Variants in FAAH2 observed in about 807,000 individuals in gnomAD.
The protein encoded by FAAH2 is fatty acid amide hydrolase 2.
A neutral mutation model predicts 36.9 loss-of-function variants in FAAH2; 60 were observed. The ratio of observed to expected loss-of-function variants is 1.63; its 90% CI spans 1.32 to 2.02. The LOEUF is 2.02. Ranked by LOEUF, FAAH2 falls within the 30% of genes most tolerant of loss-of-function variation. The pLI, the probability that FAAH2 is intolerant of heterozygous loss-of-function variation, is 0.00. For missense variants in FAAH2, 689 were observed against 397.5 expected (o/e 1.73, Z -6.23); for synonymous variants, 214 against 143.8 (o/e 1.49, Z -3.49).
the FAAH2 span, among the ~76,000 whole-genome samples, chrX:57,262,124 G>A: frequency 9.1e-6 from 1 of 110,442 alleles, no homozygotes. Context: ...AAAATCTCAG[G>A]CATTGTATCT....
At chrX:57,349,432 T>C (rs188257957) in intron 5 of FAAH2, among the ~76,000 whole-genome samples, 2 of 99,436 alleles carry the variant, frequency 2.0e-5, no homozygotes, top group Non-Finnish European at 4.0e-5. Context: ...TACATATATA[T>C]ACATATATAC....
the FAAH2 span, among the ~76,000 whole-genome samples, chrX:57,174,486 C>T: frequency 9.0e-6 from 1 of 111,367 alleles, no homozygotes; most frequent in Non-Finnish European, 1.9e-5. Context: ...ATTGTCTTTT[C>T]TTGGTTAACA....
At chrX:57,416,264 T>C (rs2055839423) in intron 7 of FAAH2, among the ~76,000 whole-genome samples, 1 of 111,718 alleles carries the variant, frequency 9.0e-6, no homozygotes, top group East Asian at 2.8e-4. Flanking sequence ...TTTGATCCTG[T>C]CATTATGAAG....
the FAAH2 span, among the ~76,000 whole-genome samples, chrX:57,254,200 G>T: frequency 9.0e-6 from 1 of 111,437 alleles, no homozygotes; most frequent in Non-Finnish European, 1.9e-5. Context: ...ATGGTAAAGG[G>T]ATCAATTCAA....
chrX:57,465,809 C>A (rs1380865472), intron 10 of FAAH2, among the ~76,000 whole-genome samples: 4 of 110,551 alleles, frequency 3.6e-5, no homozygotes, highest in Non-Finnish European at 7.6e-5. Flanking sequence ...ATTATTTCTT[C>A]TCTTGCTTTT....
chrX:57,449,399 T>G (rs2056742478), intron 10 of FAAH2, among the ~76,000 whole-genome samples: 1 of 112,189 alleles, frequency 8.9e-6, no homozygotes, highest in African/African-American at 3.2e-5. Context: ...TCCTTTGCTC[T>G]GCAATTTTCT....
In FAAH2 at chrX:57,286,779, G is replaced by T. The variant is rs777111345; in HGVS notation, c.-47G>T. 1.9e-6 allele frequency: 2 copies of T among 1,053,992 alleles called. No individual in the cohort carries two copies. Among genetic ancestry groups the T allele is most frequent in the Non-Finnish European group, 2.5e-6 (2 of 809,714 alleles). 86.9% of individuals were successfully genotyped at this position (1,053,992 alleles called of 1,213,427 possible). On this transcript the variant is annotated 5_prime_UTR_variant, in exon 1 of 11. Transcript: ENST00000374900. The stretch of plus-strand genomic sequence containing the variant: ...GTACTTTTCTCGTCCTTTCCCCAGG[G>T]TGCACGTAACCCTCAAGCACTAGGA...
At chrX:57,484,911 G>A (rs1328314650) in intron 10 of FAAH2, among the ~76,000 whole-genome samples, 10 of 111,344 alleles carry the variant, frequency 9.0e-5, no homozygotes, top group African/African-American at 3.3e-4. Flanking sequence ...TGCTGTCTGT[G>A]TAATGGGGAG....
At chrX:57,235,099 C>A in the FAAH2 span, among the ~76,000 whole-genome samples, 2 of 110,675 alleles carry the variant, frequency 1.8e-5, no homozygotes, top group East Asian at 2.9e-4. Context: ...TGCACACAAT[C>A]CAGGTGTGTA....
At chrX:57,219,535 G>T in the FAAH2 span, among the ~76,000 whole-genome samples, 5 of 112,184 alleles carry the variant, frequency 4.5e-5, no homozygotes, top group African/African-American at 1.6e-4. Flanking sequence ...AGCCTCTCTT[G>T]GTTTCTCCAG....
At chrX:57,241,278 C>G in the FAAH2 span, among the ~76,000 whole-genome samples, 1 of 112,143 alleles carries the variant, frequency 8.9e-6, no homozygotes, top group African/African-American at 3.2e-5. Context: ...TACTGTTCTC[C>G]ACATAGGAAT....
intron 2 of FAAH2, among the ~76,000 whole-genome samples, chrX:57,296,973 C>G (rs1329791703): frequency 2.7e-5 from 3 of 109,757 alleles, no homozygotes; most frequent in African/African-American, 1.0e-4. Flanking sequence ...AAATCTATGT[C>G]TGATTGGTGT....
chrX:57,262,898 C>A, the FAAH2 span, among the ~76,000 whole-genome samples: 1 of 111,132 alleles, frequency 9.0e-6, no homozygotes, highest in Non-Finnish European at 1.9e-5. Context: ...GAACATTTGA[C>A]AAAATTCTAC....
At chrX:57,274,715 C>T in the FAAH2 span, among the ~76,000 whole-genome samples, 3 of 111,540 alleles carry the variant, frequency 2.7e-5, no homozygotes, top group Non-Finnish European at 5.6e-5. Context: ...CCTCTTCATG[C>T]TAAAAGCTCT....
intron 10 of FAAH2, chrX:57,452,354 G>A: frequency 8.0e-6 from 6 of 746,777 alleles, no homozygotes; most frequent in Non-Finnish European, 9.5e-6. Flanking sequence ...AGTCCCTCTT[G>A]TACCCATGCC....
At chrX:57,262,455 TAA>T in the FAAH2 span, among the ~76,000 whole-genome samples, 3 of 111,823 alleles carry the variant, frequency 2.7e-5, no homozygotes, top group African/African-American at 9.7e-5. Flanking sequence ...CCCTATAATT[TAA>T]GAGTTAATTA....
the FAAH2 span, among the ~76,000 whole-genome samples, chrX:57,248,646 G>A: frequency 9.4e-6 from 1 of 106,392 alleles, no homozygotes; most frequent in Non-Finnish European, 1.9e-5. Flanking sequence ...CCAGATACTG[G>A]GGAGGCTGAG....
chrX:57,384,928 C>T (rs1458893083), intron 7 of FAAH2, among the ~76,000 whole-genome samples: 1 of 111,713 alleles, frequency 9.0e-6, no homozygotes. Context: ...GGCACATATA[C>T]ACCATGGAAT....
At chrX:57,171,420 T>A in the FAAH2 span, among the ~76,000 whole-genome samples, 11 of 112,015 alleles carry the variant, frequency 9.8e-5, no homozygotes, top group African/African-American at 3.2e-4. Context: ...TGCCAACATC[T>A]ATTGTTTTTT....
Sources: gnomAD v4.1 joint callset for allele counts (sites outside exome capture counted in the v4.1 genomes callset) on GRCh38, gnomAD v4.1.1 for gene constraint, MANE v1.5 for transcripts, NCBI Gene and HGNC (gene_info 2026-07-23, HGNC 2026-07-21) for gene names.